PDCD10: variants seen among roughly 807,000 people sequenced by gnomAD.
PDCD10 encodes programmed cell death 10.
In PDCD10, 4 loss-of-function variants were observed where a neutral mutation model predicts 29.2. That is an observed-to-expected ratio of 0.14 (90% CI 0.07 to 0.31). PDCD10 has a LOEUF of 0.31. Among genes scored for constraint, PDCD10 ranks in the 10% least tolerant of loss-of-function variants. PDCD10 has a pLI of 1.00. For missense variants in PDCD10, 183 were observed against 257.9 expected (o/e 0.71, Z 1.99); for synonymous variants, 70 against 82.2 (o/e 0.85, Z 0.80).
chr3:167,692,748 C>T (rs1230570715), intron 6 of PDCD10, among the ~76,000 whole-genome samples: 1 of 152,188 alleles, frequency 6.6e-6, no homozygotes, highest in East Asian at 1.9e-4. Context: ...GAAACCCCAT[C>T]TCTACTAAAA....
At chr3:167,688,590 AT>A (rs774160738) in intron 6 of PDCD10, among the ~76,000 whole-genome samples, 4 of 151,916 alleles carry the variant, frequency 2.6e-5, no homozygotes, top group African/African-American at 7.3e-5. Context: ...CCTCATAGCA[AT>A]TTTTTTCCGC....
chr3:167,712,366 TA>T (rs370142658), intron 3 of PDCD10, among the ~76,000 whole-genome samples: 121 of 152,224 alleles, frequency 7.9e-4, no homozygotes, highest in Middle Eastern at 3.4e-3. Context: ...TCTTTTTGCT[TA>T]TTTATGTAAT....
chr3:167,695,834 T>C (rs1411027722), intron 5 of PDCD10, 112 bp from the exon 6 acceptor site: 5 of 1,041,160 alleles, frequency 4.8e-6, no homozygotes, highest in South Asian at 2.6e-5. Context: ...AAAGGCCAGA[T>C]AATTAGGAAA....
intron 8 of PDCD10, 112 bp downstream of exon 8, chr3:167,687,122 G>A: frequency 1.6e-6 from 1 of 615,716 alleles, no homozygotes; most frequent in Non-Finnish European, 2.9e-6. Context: ...ATTATCAGTT[G>A]CCTGGAGTAC....
intron 4 of PDCD10, among the ~76,000 whole-genome samples, chr3:167,698,547 AAAAC>A (rs1721047332): frequency 1.5e-5 from 2 of 137,050 alleles, no homozygotes; most frequent in African/African-American, 6.0e-5. Context: ...AAAACAAAAC[AAAAC>A]AAAAAAAACT....
chr3:167,732,772 T>A (rs1724950444), intron 2 of PDCD10, among the ~76,000 whole-genome samples: 2 of 152,202 alleles, frequency 1.3e-5, no homozygotes, highest in East Asian at 3.8e-4. Flanking sequence ...CATACCTCCT[T>A]CAACAAAAGG....
chr3:167,689,669 G>A (rs977468661), intron 6 of PDCD10, among the ~76,000 whole-genome samples: 5 of 151,994 alleles, frequency 3.3e-5, no homozygotes, highest in African/African-American at 1.2e-4. Context: ...TATTTTAAAA[G>A]GGGGTGGGGG....
At chr3:167,692,440 T>C (rs1022111817) in intron 6 of PDCD10, among the ~76,000 whole-genome samples, 10 of 152,238 alleles carry the variant, frequency 6.6e-5, no homozygotes, top group African/African-American at 1.7e-4. Flanking sequence ...TTTCCACTTA[T>C]GGTGTCATGT....
At chr3:167,709,241 A>G (rs533512361) in intron 3 of PDCD10, among the ~76,000 whole-genome samples, 4 of 152,142 alleles carry the variant, frequency 2.6e-5, no homozygotes, top group Non-Finnish European at 5.9e-5. Context: ...TTTACCAACT[A>G]CACACAAAAA....
In PDCD10 at chr3:167,725,807, A is replaced by G. The variant is rs925779052; in HGVS notation, c.-116-5534T>C. On this transcript the variant is annotated intron_variant, in intron 2 of 8. Coordinates refer to ENST00000392750, the MANE Select transcript of PDCD10 (RefSeq NM_007217.4). ...TATATATATATATATATATATATAT[A>G]TATATGCTTTAAAAATATTAAATGG... Among the ~76,000 whole-genome samples the G allele has an allele frequency of 1.4e-3, 143 of 105,074 alleles. 5 individuals are homozygous for G. In the East Asian group the frequency reaches 0.038, roughly 28 times the overall value. 68.9% of individuals were successfully genotyped at this position (105,074 alleles called of 152,430 possible).
intron 3 of PDCD10, among the ~76,000 whole-genome samples, chr3:167,712,997 A>T (rs1297511981): frequency 2.6e-5 from 4 of 152,108 alleles, no homozygotes; most frequent in African/African-American, 7.2e-5. Flanking sequence ...AGCAAAATAC[A>T]ATAATAGCTG....
intron 8 of PDCD10, among the ~76,000 whole-genome samples, chr3:167,685,746 T>G (rs1339801736): frequency 1.3e-5 from 2 of 152,330 alleles, no homozygotes; most frequent in East Asian, 3.9e-4. Flanking sequence ...ATGTAAATTA[T>G]TATTTTAATG....
chr3:167,730,632 A>T (rs1266983980), intron 2 of PDCD10: 1 of 152,182 alleles, frequency 6.6e-6, no homozygotes, highest in Non-Finnish European at 1.5e-5. Flanking sequence ...GTGGAAGAGT[A>T]AACTGGTAAA....
chr3:167,725,792 T>C (rs1242265673), intron 2 of PDCD10, among the ~76,000 whole-genome samples: 1 of 123,974 alleles, frequency 8.1e-6, no homozygotes, highest in African/African-American at 3.3e-5. Flanking sequence ...TATATATATA[T>C]ATATATATAT....
At chr3:167,717,412 AC>A (rs557327457) in intron 3 of PDCD10, among the ~76,000 whole-genome samples, 187 of 152,146 alleles carry the variant, frequency 1.2e-3, no homozygotes, top group Non-Finnish European at 2.5e-3. Flanking sequence ...TCAGAGTAAA[AC>A]GGTCATCCTT....
intron 4 of PDCD10, among the ~76,000 whole-genome samples, chr3:167,704,178 T>C (rs1721734729): frequency 6.6e-6 from 1 of 152,210 alleles, no homozygotes; most frequent in African/African-American, 2.4e-5. Flanking sequence ...GTTCTATAAT[T>C]AAACAATAGA....
Position 167,709,552 on chromosome 3 carries a change from A to G in PDCD10, c.97-4657T>C, listed in dbSNP as rs372175364. ...ACAAAAGGTAGCATTTGGACGTGAC[A>G]CGGTCAGAGGAGAATCACCGATCCA... On this transcript the variant is annotated intron_variant, in intron 3 of 8. Coordinates refer to ENST00000392750, the MANE Select transcript of PDCD10 (RefSeq NM_007217.4). 4.6e-5 allele frequency among the ~76,000 whole-genome samples: 7 copies of G among 152,280 alleles called. 1 individual carries two copies. Among genetic ancestry groups the G allele is most frequent in the Admixed American group, 2.6e-4 (4 of 15,292 alleles).
At chr3:167,687,399 C>CAA in intron 7 of PDCD10, 83 bp from the exon 8 acceptor site, 1 of 856,618 alleles carries the variant, frequency 1.2e-6, no homozygotes, top group Non-Finnish European at 2.0e-6. Flanking sequence ...CAAGAGATTA[C>CAA]ACAGGATATG....
intron 3 of PDCD10, among the ~76,000 whole-genome samples, chr3:167,713,501 T>C (rs192071034): frequency 1.3e-5 from 2 of 151,180 alleles, no homozygotes; most frequent in African/African-American, 4.8e-5. Flanking sequence ...ATAACACACA[T>C]CTTAAACAAC....
Sources: gnomAD v4.1 joint callset for allele counts (sites outside exome capture counted in the v4.1 genomes callset) on GRCh38, gnomAD v4.1.1 for gene constraint, MANE v1.5 for transcripts, NCBI Gene and HGNC (gene_info 2026-07-23, HGNC 2026-07-21) for gene names.